Variants in GRID2 observed in about 807,000 individuals in gnomAD.
GRID2 encodes the protein glutamate receptor ionotropic, delta-2.
In GRID2, 33 loss-of-function variants were observed where a neutral mutation model predicts 114.8. That is an observed-to-expected ratio of 0.29 (90% confidence interval 0.22 to 0.38). GRID2 has a LOEUF of 0.38. GRID2 is among the 10% of genes least tolerant of loss of function. The probability of loss-of-function intolerance (pLI) is 1.00; values close to 1 mark genes in which losing one functional copy is unlikely to be tolerated. For synonymous variants in GRID2, 505 were observed against 449.9 expected, an observed-to-expected ratio of 1.12 and a Z score of -1.55; for missense variants, 1,184 against 1,257.7, an observed-to-expected ratio of 0.94 and a Z score of 0.89.
chr4:93,146,178 T>TA (rs1736207623), intron 4 of GRID2, among the ~76,000 whole-genome samples: 1 of 152,138 alleles, frequency 6.6e-6, no homozygotes, highest in African/African-American at 2.4e-5. Context: ...GGAAACCACC[T>TA]AAAACCCAAC....
At chr4:92,950,731 A>G (rs896649818) in intron 2 of GRID2, among the ~76,000 whole-genome samples, 10 of 152,322 alleles carry the variant, frequency 6.6e-5, no homozygotes, top group Admixed American at 2.6e-4. Flanking sequence ...CATTATTTAT[A>G]TAAACCTATA....
intron 2 of GRID2, among the ~76,000 whole-genome samples, chr4:92,784,678 T>G (rs1369167): frequency 0.32 from 48,658 of 151,760 alleles, 8,718 homozygotes; most frequent in Middle Eastern, 0.5. Context: ...GACAGTCTTA[T>G]AGTACTTAGA....
At chr4:93,380,176 G>A (rs1024885803) in intron 8 of GRID2, among the ~76,000 whole-genome samples, 1 of 152,138 alleles carries the variant, frequency 6.6e-6, no homozygotes, top group East Asian at 1.9e-4. Flanking sequence ...AAATCTAATG[G>A]CAAGTATCTT....
At chr4:92,696,021 AAAT>A (rs1351470599) in intron 2 of GRID2, among the ~76,000 whole-genome samples, 3 of 152,158 alleles carry the variant, frequency 2.0e-5, no homozygotes, top group East Asian at 1.9e-4. Context: ...ATGCTTCACT[AAAT>A]AATACTGTTT....
At chr4:92,382,903 T>A (rs1186704758) in intron 1 of GRID2, among the ~76,000 whole-genome samples, 2 of 151,858 alleles carry the variant, frequency 1.3e-5, no homozygotes, top group Non-Finnish European at 2.9e-5. Flanking sequence ...ACTGGGTAAT[T>A]TATAAAGAAA....
intron 12 of GRID2, 85 bp from the exon 13 acceptor site, chr4:93,515,131 C>A: frequency 1.9e-6 from 1 of 525,772 alleles, no homozygotes. Flanking sequence ...ACACATATTG[C>A]CTTTTTTTTT....
At chr4:92,418,568 G>C (rs1296146606) in intron 1 of GRID2, among the ~76,000 whole-genome samples, 2 of 152,006 alleles carry the variant, frequency 1.3e-5, no homozygotes, top group African/African-American at 4.8e-5. Flanking sequence ...AGAATTGGAG[G>C]CAGATCAGAG....
intron 2 of GRID2, among the ~76,000 whole-genome samples, chr4:93,056,869 A>C (rs575688730): frequency 6.6e-6 from 1 of 152,076 alleles, no homozygotes; most frequent in Admixed American, 6.6e-5. Context: ...AGGTAAGATA[A>C]TTAGAATCAG....
At chr4:92,914,937 C>G (rs1187258409) in intron 2 of GRID2, among the ~76,000 whole-genome samples, 1 of 152,040 alleles carries the variant, frequency 6.6e-6, no homozygotes, top group African/African-American at 2.4e-5. Flanking sequence ...ATGTATTAGT[C>G]TATCTTCATG....
intron 6 of GRID2, chr4:93,217,259 G>T (rs2149483591): frequency 6.1e-6 from 1 of 162,944 alleles, no homozygotes; most frequent in East Asian, 1.8e-4. Flanking sequence ...TGACTTTTCT[G>T]GCCTAAGAAG....
chr4:93,232,973 G>A (rs1445694202), intron 7 of GRID2, among the ~76,000 whole-genome samples: 2 of 152,146 alleles, frequency 1.3e-5, no homozygotes, highest in Non-Finnish European at 2.9e-5. Flanking sequence ...TACAAAAGGA[G>A]AAATACCAAG....
At chr4:92,937,677 G>T (rs1750768491) in intron 2 of GRID2, among the ~76,000 whole-genome samples, 1 of 146,530 alleles carries the variant, frequency 6.8e-6, no homozygotes, top group Non-Finnish European at 1.5e-5. Flanking sequence ...TAGCTTTGGG[G>T]CTCCTTGCCT....
intron 14 of GRID2, among the ~76,000 whole-genome samples, chr4:93,707,928 C>T (rs1377115411): frequency 6.6e-6 from 1 of 151,790 alleles, no homozygotes; most frequent in African/African-American, 2.4e-5. Context: ...AAATTTCCTT[C>T]TTAATGTCTT....
chr4:93,424,070 C>A (rs1768601392), intron 10 of GRID2, among the ~76,000 whole-genome samples: 1 of 152,046 alleles, frequency 6.6e-6, no homozygotes, highest in South Asian at 2.1e-4. Context: ...TACTACTTCA[C>A]ATAAAAAGTA....
At position 93,276,295 on chromosome 4, in the gene GRID2, A is replaced by G. The variant is rs538828598; in HGVS notation, c.1245+37805A>G. 1.9e-4 allele frequency among the ~76,000 whole-genome samples: 29 copies of G among 152,076 alleles called. No homozygotes were observed. In the South Asian group the frequency reaches 5.8e-3, roughly 30 times the overall value. On this transcript the variant is annotated intron_variant, in intron 8 of 15. Coordinates refer to ENST00000282020, the MANE Select transcript of GRID2 (RefSeq NM_001510.4). Reference sequence around the variant, plus strand: ...TTCTTATTTCTGAACTCTTAATTCAATTTCATCAGTACATATCTCTGTCCT... The same window carrying G: ...TTCTTATTTCTGAACTCTTAATTCAGTTTCATCAGTACATATCTCTGTCCT...
rs572280493 is a variant in GRID2, at chr4:93,619,772, A to T, written c.2194-6497A>T. 4.4e-3 allele frequency among the ~76,000 whole-genome samples: 660 copies of T among 151,584 alleles called. 4 individuals carry two copies. Among genetic ancestry groups the T allele is most frequent in the African/African-American group, 0.015 (617 of 41,360 alleles). On this transcript the variant is annotated intron_variant, in intron 13 of 15. Coordinates refer to ENST00000282020, the MANE Select transcript of GRID2 (RefSeq NM_001510.4). Reference sequence around the variant, plus strand: ...AAGCAACCTTTTTCTTAAAAGCCCAATTTTTTTTTACCTTAATACCGTGAT... The same window carrying T: ...AAGCAACCTTTTTCTTAAAAGCCCATTTTTTTTTTACCTTAATACCGTGAT...
Position 93,628,767 on chromosome 4 carries a change from CTT to C in GRID2, c.2360+2346_2360+2347del, listed in dbSNP as rs377083909. Among the ~76,000 whole-genome samples the C allele has an allele frequency of 5.9e-3, 803 of 136,904 alleles. 1 individual carries two copies. Among genetic ancestry groups the C allele is most frequent in the Middle Eastern group, 0.014 (4 of 276 alleles). The allele number at this position is 136,904 out of a possible 152,430, so 89.8% of individuals were successfully genotyped here. A position where few individuals can be genotyped will look rare whatever the true frequency, so the allele number is the denominator to read the frequency against. Reference sequence around the variant, plus strand: ...TTGCTTTTCAGACTTGATTTTCTGGCTTTTTTTTTTTTTTTGAGACATTGTTT... The same window carrying C: ...TTGCTTTTCAGACTTGATTTTCTGGCTTTTTTTTTTTTTGAGACATTGTTT... On this transcript the variant is annotated intron_variant, in intron 14 of 15. Transcript: ENST00000282020.
chr4:92,825,393 C>T (rs184087422), intron 2 of GRID2, among the ~76,000 whole-genome samples: 2 of 152,240 alleles, frequency 1.3e-5, no homozygotes, highest in Admixed American at 6.5e-5. Context: ...CTCTGCTTAT[C>T]AGTTGTGCTA....
At chr4:93,100,190 A>G (rs1046000199) in intron 3 of GRID2, among the ~76,000 whole-genome samples, 3 of 151,926 alleles carry the variant, frequency 2.0e-5, no homozygotes, top group African/African-American at 7.2e-5. Flanking sequence ...TTCTTAACAA[A>G]TATTGATCAG....
Sources: gnomAD v4.1 joint callset for allele counts (sites outside exome capture counted in the v4.1 genomes callset) on GRCh38, gnomAD v4.1.1 for gene constraint, MANE v1.5 for transcripts, NCBI Gene and HGNC (gene_info 2026-07-23, HGNC 2026-07-21) for gene names.